The following ARHGEF18 variants were observed in gnomAD, a reference collection of about 807,000 sequenced individuals.
The protein encoded by ARHGEF18 is Rho/Rac guanine nucleotide exchange factor 18.
In ARHGEF18, 93 loss-of-function variants were observed where a neutral mutation model predicts 155.7. That is an observed-to-expected ratio of 0.60 (90% CI 0.50 to 0.71). The LOEUF (loss-of-function observed/expected upper bound fraction) is 0.71, where lower values mean the gene tolerates loss of function less well. ARHGEF18 is among the 30% of genes least tolerant of loss of function. The pLI is 0.00. For missense variants in ARHGEF18, 1,593 were observed against 1,816.1 expected, an observed-to-expected ratio of 0.88 and a Z score of 2.23; for synonymous variants, 742 against 753.1, an observed-to-expected ratio of 0.99 and a Z score of 0.24.
chr19:7,439,909 C>A, intron 10 of ARHGEF18: 4 of 1,460,710 alleles, frequency 2.7e-6, no homozygotes, highest in South Asian at 1.4e-5. Context: ...TTTATTCTAT[C>A]AAAGCAGCAA....
chr19:7,422,121 T>C (rs1437720602), intron 10 of ARHGEF18, among the ~76,000 whole-genome samples: 1 of 152,146 alleles, frequency 6.6e-6, no homozygotes, highest in Non-Finnish European at 1.5e-5. Context: ...GTTCCCTGCC[T>C]CTGTCATCTC....
intron 10 of ARHGEF18, among the ~76,000 whole-genome samples, chr19:7,406,224 ACAGGCG>A (rs1219022916): frequency 2.0e-5 from 3 of 152,098 alleles, no homozygotes; most frequent in Non-Finnish European, 2.9e-5. Context: ...AGCTGGGATT[ACAGGCG>A]CGTGCCACCA....
chr19:7,376,226 T>C (rs1970455766), intron 4 of ARHGEF18, among the ~76,000 whole-genome samples: 1 of 152,074 alleles, frequency 6.6e-6, no homozygotes, highest in Admixed American at 6.5e-5. Flanking sequence ...GCTGTGTCTG[T>C]GGTTGGGGTA....
chr19:7,369,238 G>C (rs910166689), intron 2 of ARHGEF18, among the ~76,000 whole-genome samples: 1 of 151,528 alleles, frequency 6.6e-6, no homozygotes, highest in East Asian at 2.0e-4. Flanking sequence ...GAGGCGGATG[G>C]ATCATCTGAG....
chr19:7,379,137 G>C lies in ARHGEF18; in HGVS notation c.615G>C (p.Gln205His). ...VEPDHVLIVQ[Q>H]VLQELRQYHG... ...ACCCCCACAGGCTGATTGTCCAGCA[G>C]GTGCTTCAAGAACTTCGACAGTACC... The change falls in exon 7 of 29, where the codon CAG becomes CAC. Residue 205 changes from glutamine (Q) to histidine (H), a missense_variant. Physicochemically the swap from Gln to His is conservative, Grantham distance 24. Coordinates refer to ENST00000668164, the MANE Select transcript of ARHGEF18 (RefSeq NM_001367823.1). 8.1e-7 allele frequency: 1 copy of C among 1,232,608 alleles called. No individual in the cohort carries two copies. Among genetic ancestry groups the C allele is most frequent in the Non-Finnish European group, 1.0e-6 (1 of 988,368 alleles). The allele number at this position is 1,232,608 out of a possible 1,614,324, so 76.4% of individuals were successfully genotyped here. A position where few individuals can be genotyped will look rare whatever the true frequency, so the allele number is the denominator to read the frequency against.
At chr19:7,464,800 C>T (rs1976515733) in intron 23 of ARHGEF18, 110 bp downstream of exon 23, 1 of 1,412,394 alleles carries the variant, frequency 7.1e-7, no homozygotes, top group Non-Finnish European at 9.6e-7. Flanking sequence ...CATCGACAAG[C>T]ATTGTTTGTT....
rs989380543 is a variant in ARHGEF18 at position 7,462,841 on chromosome 19, T to C, written c.2635+507T>C. 5.5e-5 allele frequency among the ~76,000 whole-genome samples: 8 copies of C among 146,264 alleles called. No homozygotes were observed. In the East Asian group the frequency reaches 9.8e-4, roughly 18 times the overall value. ...GCTCTTTCTTTTTTTCTTTTCTTTT[T>C]TTTTTTTTTTTTTGAGATGGAGTCT... On this transcript the variant is annotated intron_variant, in intron 21 of 28. Transcript: ENST00000668164. The surrounding 1 kb of genome is among the most constrained non-coding windows in gnomAD (Gnocchi z 4.4).
At chr19:7,397,394 T>C (rs1971774614) in intron 10 of ARHGEF18, among the ~76,000 whole-genome samples, 1 of 151,992 alleles carries the variant, frequency 6.6e-6, no homozygotes, top group Non-Finnish European at 1.5e-5. Flanking sequence ...AACTCCCAAG[T>C]AGCTGGGACT....
downstream of ARHGEF18, chr19:7,472,485 AC>A (rs1977088709): frequency 6.2e-6 from 1 of 161,564 alleles, no homozygotes; most frequent in Admixed American, 5.7e-5. Flanking sequence ...ATGAGCGGTG[AC>A]TGGCGTGCAC....
rs1165776709 is a variant in ARHGEF18 at position 7,467,633 on chromosome 19, C to G, written c.3429C>G (p.Leu1143=). 3 of 1,515,736 alleles carry G rather than the reference C, an allele frequency of 2.0e-6. No homozygotes were observed. Among genetic ancestry groups the G allele is most frequent in the Non-Finnish European group, 2.6e-6 (3 of 1,139,694 alleles). 93.9% of individuals were successfully genotyped at this position (1,515,736 alleles called of 1,614,324 possible). Residue 1143 remains leucine, a synonymous_variant, in exon 26 of 29, where the codon CTC becomes CTG. Coordinates refer to ENST00000668164, the MANE Select transcript of ARHGEF18 (RefSeq NM_001367823.1). The part of the protein sequence containing the change: ...ERERLELLRR[L]KKQNTAPGAL... ...AGCGCCTGGAGCTGCTGCGCCGCCT[C>G]AAGAAGCAGAACACCGCGCCAGGCG... is the stretch of plus-strand genomic sequence containing the variant.
At chr19:7,354,122 C>A (rs1046277172) in intron 1 of ARHGEF18, among the ~76,000 whole-genome samples, 1 of 151,826 alleles carries the variant, frequency 6.6e-6, no homozygotes, top group Non-Finnish European at 1.5e-5. Context: ...CCAGCCTGGG[C>A]AACATAGAAG....
chr19:7,380,803 A>G, intron 7 of ARHGEF18, 114 bp from the exon 8 acceptor site: 1 of 534,380 alleles, frequency 1.9e-6, no homozygotes, highest in Non-Finnish European at 2.9e-6. Flanking sequence ...AGTGTCAAGG[A>G]CAGGTGGGCT....
At position 7,457,450 on chromosome 19, in the gene ARHGEF18, C is replaced by T. The variant is rs376004260; in HGVS notation, c.2181+1047C>T. On this transcript the variant is annotated intron_variant, in intron 18 of 28. Coordinates refer to ENST00000668164, the MANE Select transcript of ARHGEF18 (RefSeq NM_001367823.1). ...CAATCTCGACTCACTGCAACCTCCA[C>T]CTCCCGAGTTCAAGTGATTCTCCTG... Among the ~76,000 whole-genome samples, 31 of 149,824 alleles carry T rather than the reference C, an allele frequency of 2.1e-4. No individual in the cohort carries two copies. In the East Asian group the frequency reaches 2.8e-3, roughly 13 times the overall value.
chr19:7,366,037 C>A (rs1042301932), intron 2 of ARHGEF18, among the ~76,000 whole-genome samples: 5 of 152,284 alleles, frequency 3.3e-5, no homozygotes, highest in African/African-American at 1.2e-4. Context: ...CCTCCACCTC[C>A]CAGGTTCAAG....
chr19:7,409,768 C>T (rs111764328), intron 10 of ARHGEF18, among the ~76,000 whole-genome samples: 6,588 of 22,720 alleles, frequency 0.29, 743 homozygotes, highest in African/African-American at 0.48. Flanking sequence ...TTCTTTCTTT[C>T]TTTTTTTTTT....
rs1180258495 is a variant in ARHGEF18 at position 7,458,617 on chromosome 19, A to G, written c.2287A>G (p.Met763Val). Reference protein sequence around the residue: ...LISASLQGPEMYEIYTSSKED... With the variant: ...LISASLQGPEVYEIYTSSKED... ...CAGCGCCTCCTTGCAAGGGCCGGAG[A>G]TGTATGAAATCTACACGAGCTCCAA... Residue 763 changes from methionine to valine, a missense_variant, in exon 19 of 29, where the codon ATG becomes GTG. Transcript: ENST00000668164. 2 of 1,614,048 alleles carry G rather than the reference A, an allele frequency of 1.2e-6. No homozygotes were observed. The highest frequency in any genetic ancestry group is 1.3e-5 in the African/African-American group (1 of 74,928).
In ARHGEF18 at chr19:7,467,456, G is replaced by A. The variant is rs931870980; in HGVS notation, c.3252G>A (p.Ala1084=). ...GGCAGCACCAGGAGCTGGAGCGTGC[G>A]GGCGCGCGGCTGCAGGAGCGCGAGG... ...RQWQHQELER[A]GARLQEREGE... Residue 1084 remains alanine (A), a synonymous_variant, in exon 26 of 29, where the codon GCG becomes GCA. Coordinates refer to ENST00000668164, the MANE Select transcript of ARHGEF18 (RefSeq NM_001367823.1). 1.5e-5 allele frequency: 23 copies of A among 1,509,750 alleles called. No individual in the cohort carries two copies. The highest frequency in any genetic ancestry group is 1.1e-4 in the Admixed American group (5 of 46,396). The allele number at this position is 1,509,750 out of a possible 1,614,324, so 93.5% of individuals were successfully genotyped here.
At chr19:7,469,847 G>C (rs1299810083) in intron 27 of ARHGEF18, 57 bp from the exon 28 acceptor site, 3 of 1,588,964 alleles carry the variant, frequency 1.9e-6, no homozygotes, top group East Asian at 4.5e-5. Flanking sequence ...AGGCTGCCCT[G>C]GCGGGTGGGG....
At chr19:7,377,657 G>T (rs1398796738) in intron 5 of ARHGEF18, among the ~76,000 whole-genome samples, 1 of 151,974 alleles carries the variant, frequency 6.6e-6, no homozygotes, top group Non-Finnish European at 1.5e-5. Context: ...GCATGACGGT[G>T]TGCACCTGTA....
Sources: gnomAD v4.1 joint callset for allele counts (sites outside exome capture counted in the v4.1 genomes callset) on GRCh38, gnomAD v4.1.1 for gene constraint, Gnocchi (gnomAD v3.1) non-coding constraint, MANE v1.5 for transcripts, NCBI Gene and HGNC (gene_info 2026-07-23, HGNC 2026-07-21) for gene names.